The following RPUSD4 variants were observed in gnomAD, a reference collection of about 807,000 sequenced individuals.
RPUSD4 encodes the protein pseudouridylate synthase RPUSD4, mitochondrial.
Under a neutral mutation model 35.4 loss-of-function variants are expected in RPUSD4, and 37 were observed. That is an observed-to-expected ratio of 1.04 (90% CI 0.80 to 1.37). RPUSD4 has a LOEUF of 1.37. RPUSD4 is among the 40% of genes most tolerant of loss of function. The probability of loss-of-function intolerance (pLI) is 0.00; values close to 1 mark genes in which losing one functional copy is unlikely to be tolerated. For synonymous variants in RPUSD4, 210 were observed against 192.7 expected (o/e 1.09, Z -0.74); for missense variants, 507 against 484.9 (o/e 1.05, Z -0.43).
rs111442177 is a variant in RPUSD4 at position 126,209,424 on chromosome 11, G to A, written c.557+97C>T. Reference sequence around the variant, plus strand: ...ACAATCTCGCAGGTCATAGTGCAGTGCCTTCTATTAATGGGAGTTTCTGTT... The same window carrying A: ...ACAATCTCGCAGGTCATAGTGCAGTACCTTCTATTAATGGGAGTTTCTGTT... On this transcript the variant is annotated intron_variant, in intron 3 of 6. Transcript: ENST00000298317. The A allele has an allele frequency of 7.2e-4, 725 of 1,011,618 alleles. 4 individuals are homozygous for A. The African/African-American group carries it at 0.011, about 15-fold the overall frequency. 62.7% of individuals were successfully genotyped at this position (1,011,618 alleles called of 1,614,324 possible).
intron 1 of RPUSD4, 90 bp from the exon 2 acceptor site, chr11:126,211,145 G>C: frequency 6.9e-7 from 1 of 1,445,722 alleles, no homozygotes; most frequent in Non-Finnish European, 9.5e-7. Context: ...ATCTGAGTAG[G>C]GAATGACTAT....
At chr11:126,210,131 T>G (rs1359664701) in intron 2 of RPUSD4, among the ~76,000 whole-genome samples, 13 of 152,206 alleles carry the variant, frequency 8.5e-5, no homozygotes, top group Non-Finnish European at 1.9e-4. Context: ...TACTAGCCAT[T>G]TTTTTGACCT....
At position 126,211,133 on chromosome 11, in the gene RPUSD4, G is replaced by T; in HGVS notation, c.190-78C>A. 2 of 1,503,732 alleles carry T rather than the reference G, an allele frequency of 1.3e-6. 1 individual carries two copies. The highest frequency in any genetic ancestry group is 2.4e-5 in the South Asian group (2 of 83,270). 93.1% of individuals were successfully genotyped at this position (1,503,732 alleles called of 1,614,324 possible). On this transcript the variant is annotated intron_variant, in intron 1 of 6. Coordinates refer to ENST00000298317, the MANE Select transcript of RPUSD4 (RefSeq NM_032795.3). ...AGACCTTCCATAAAGGTCTGGGTGAGAATCTGAGTAGGGAATGACTATCTT... is the reference window on the plus strand; with the variant it reads ...AGACCTTCCATAAAGGTCTGGGTGATAATCTGAGTAGGGAATGACTATCTT...
In RPUSD4 at chr11:126,210,995, G is replaced by A; in HGVS notation, c.250C>T (p.Gln84Ter). 1 of 1,614,184 alleles carries A rather than the reference G, an allele frequency of 6.2e-7. No individual in the cohort carries two copies. The part of the protein sequence containing the change: ...QEIVRFTRQL[Q>*]RVHPNVLAKA... ...GCAAGCACGTTGGGGTGGACTCGCT[G>A]CAGCTGCCGTGTGAACCGCACTATT... The change falls in exon 2 of 7, where the codon CAG (glutamine) becomes TAG (stop). Residue 84 changes from glutamine to a stop codon, truncating the protein, a stop_gained. Coordinates refer to ENST00000298317, the MANE Select transcript of RPUSD4 (RefSeq NM_032795.3). LOFTEE classifies it high-confidence loss of function.
intron 3 of RPUSD4, chr11:126,208,787 G>A (rs371399463): frequency 1.6e-4 from 24 of 152,174 alleles, no homozygotes; most frequent in East Asian, 1.2e-3. Flanking sequence ...CCGCACACGC[G>A]TATACTGTAT....
intron 2 of RPUSD4, among the ~76,000 whole-genome samples, chr11:126,210,550 C>CACACACA (rs3220746): frequency 2.8e-5 from 4 of 144,726 alleles, no homozygotes; most frequent in Non-Finnish European, 4.6e-5. Flanking sequence ...CACACACACA[C>CACACACA]CCCCTTTTTT....
At chr11:126,206,133 T>G (rs1949772168) in intron 3 of RPUSD4, 1 of 167,720 alleles carries the variant, frequency 6.0e-6, no homozygotes, top group Non-Finnish European at 1.3e-5. Flanking sequence ...AATAAAAGAT[T>G]GTAGATTCTG....
rs758080771 is a variant in RPUSD4, at chr11:126,205,794, C to G, written c.558-13G>C. The G allele has an allele frequency of 3.9e-5, 61 of 1,570,128 alleles. No homozygotes were observed. The Admixed American group carries it at 4.2e-4, about 11-fold the overall frequency. ...CACAGTGATGGCCCTGGGGGTGACACAGATCACTGCTTTAGCCAACCAAGC... is the reference window on the plus strand; with the variant it reads ...CACAGTGATGGCCCTGGGGGTGACAGAGATCACTGCTTTAGCCAACCAAGC... On this transcript the variant is annotated splice_polypyrimidine_tract_variant and intron_variant, in intron 3 of 6. Coordinates refer to ENST00000298317, the MANE Select transcript of RPUSD4 (RefSeq NM_032795.3).
In RPUSD4 at chr11:126,211,196, CAG is replaced by C. The variant is rs368284955; in HGVS notation, c.190-143_190-142del. The stretch of plus-strand genomic sequence containing the variant: ...GCGCCGCCTTCGACTAATTTGAGAG[CAG>C]AGATACCCATCTGTCTAACCTGCGT... On this transcript the variant is annotated intron_variant, in intron 1 of 6. Transcript: ENST00000298317. 1.8e-3 allele frequency: 1,841 copies of C among 1,044,664 alleles called. 16 individuals are homozygous for C. The highest frequency in any genetic ancestry group is 0.016 in the East Asian group (650 of 41,416). The allele number at this position is 1,044,664 out of a possible 1,614,324, so 64.7% of individuals were successfully genotyped here.
intron 3 of RPUSD4, chr11:126,208,546 A>G (rs1355693069): frequency 6.6e-6 from 1 of 152,246 alleles, no homozygotes; most frequent in Non-Finnish European, 1.5e-5. Context: ...TCTTTTTTCT[A>G]TGAAAAACAC....
At position 126,210,907 on chromosome 11, in the gene RPUSD4, T is replaced by C. The variant is rs1949853044; in HGVS notation, c.338A>G (p.Tyr113Cys). ...DKNLVVINKP[Y>C]GLPVHGGPGV... ...GTCCTTACCATGCACAGGGAGACCG[T>C]AGGGCTTATTGATGACCACAAGGTT... Residue 113 changes from tyrosine to cysteine, a missense_variant, in exon 2 of 7, where the codon TAC becomes TGC. Transcript: ENST00000298317. 5.6e-6 allele frequency: 9 copies of C among 1,614,186 alleles called. No homozygotes were observed. The highest frequency in any genetic ancestry group is 1.7e-4 in the Middle Eastern group (1 of 6,060).
In RPUSD4 at chr11:126,211,001, G is replaced by C. The variant is rs1394785486; in HGVS notation, c.244C>G (p.Gln82Glu). ...RVQEIVRFTR[Q>E]LQRVHPNVLA... ...ACGTTGGGGTGGACTCGCTGCAGCT[G>C]CCGTGTGAACCGCACTATTTCTTGC... The change falls in exon 2 of 7, where the codon CAG becomes GAG. Residue 82 changes from glutamine (Q) to glutamate (E), a missense_variant. Coordinates refer to ENST00000298317, the MANE Select transcript of RPUSD4 (RefSeq NM_032795.3). 1.2e-6 allele frequency: 2 copies of C among 1,614,010 alleles called. No homozygotes were observed. Among genetic ancestry groups the C allele is most frequent in the Non-Finnish European group, 1.7e-6 (2 of 1,180,046 alleles).
Position 126,203,609 on chromosome 11 carries a change from C to T in RPUSD4, c.943G>A (p.Ala315Thr). The T allele has an allele frequency of 3.7e-6, 6 of 1,614,170 alleles. No individual in the cohort carries two copies. Among genetic ancestry groups the T allele is most frequent in the Non-Finnish European group, 5.1e-6 (6 of 1,180,030 alleles). Residue 315 changes from alanine (A) to threonine (T), a missense_variant, in exon 7 of 7, where the codon GCC becomes ACC. By Grantham distance (58) the Ala-to-Thr change is moderately conservative. Coordinates refer to ENST00000298317, the MANE Select transcript of RPUSD4 (RefSeq NM_032795.3). Reference sequence around the variant, plus strand: ...TGCAGGTGAAGGGGGATGTAGCGGGCCTTCGACTGTTCTAGCCCCAGCTTC... The same window carrying T: ...TGCAGGTGAAGGGGGATGTAGCGGGTCTTCGACTGTTCTAGCCCCAGCTTC... ...LKKLGLEQSKARYIPLHLHAR... is the reference protein window; with the variant it reads ...LKKLGLEQSKTRYIPLHLHAR...
At chr11:126,207,878 T>A (rs645021) in intron 3 of RPUSD4, among the ~76,000 whole-genome samples, 35,288 of 149,692 alleles carry the variant, frequency 0.24, 4,368 homozygotes, top group Non-Finnish European at 0.28. Context: ...TAAAAAAAAA[T>A]AATAATAATA....
intron 2 of RPUSD4, among the ~76,000 whole-genome samples, chr11:126,210,386 T>A (rs1186380907): frequency 1.3e-5 from 2 of 152,208 alleles, no homozygotes; most frequent in Non-Finnish European, 2.9e-5. Flanking sequence ...CACAAATGCA[T>A]TTTTTAAATC....
At position 126,209,524 on chromosome 11, in the gene RPUSD4, T is replaced by C. The variant is rs1949815973; in HGVS notation, c.554A>G (p.Tyr185Cys). 6.2e-7 allele frequency: 1 copy of C among 1,614,120 alleles called. No homozygotes were observed. The highest frequency in any genetic ancestry group is 1.3e-5 in the African/African-American group (1 of 75,064). ...CTGCCATCAGCAGGCCTCATACCAG[T>C]ACTTCTTCACCACCTGACGGGTTCT... ...LFRTRQVVKK[Y>C]WAITVHVPMP... Residue 185 changes from tyrosine (Y) to cysteine (C), a missense_variant, in exon 3 of 7, where the codon TAC (tyrosine) becomes TGC (cysteine). Physicochemically the swap from Tyr to Cys is radical, Grantham distance 194. Transcript: ENST00000298317.
intron 5 of RPUSD4, among the ~76,000 whole-genome samples, chr11:126,204,934 G>A (rs1414447375): frequency 2.0e-5 from 3 of 152,154 alleles, no homozygotes; most frequent in Admixed American, 2.0e-4. Flanking sequence ...CCTCACATGA[G>A]TGGAATCATA....
intron 3 of RPUSD4, among the ~76,000 whole-genome samples, chr11:126,206,834 A>G (rs920121569): frequency 6.6e-6 from 1 of 152,156 alleles, no homozygotes; most frequent in African/African-American, 2.4e-5. Flanking sequence ...TTCAGCTACT[A>G]TCTGGTACAT....
At chr11:126,203,798 G>T in intron 6 of RPUSD4, 141 bp from the exon 7 acceptor site, 2 of 1,099,644 alleles carry the variant, frequency 1.8e-6, no homozygotes, top group Non-Finnish European at 2.5e-6. Flanking sequence ...TGCTTCAGTG[G>T]CATGTCTAAG....
Sources: gnomAD v4.1 joint callset for allele counts (sites outside exome capture counted in the v4.1 genomes callset) on GRCh38, gnomAD v4.1.1 for gene constraint, MANE v1.5 for transcripts, NCBI Gene and HGNC (gene_info 2026-07-23, HGNC 2026-07-21) for gene names.